EMID1: variants seen among roughly 807,000 people sequenced by gnomAD.
The protein encoded by EMID1 is EMI domain-containing protein 1.
In EMID1, 40 loss-of-function variants were observed where a neutral mutation model predicts 60.6. The observed-to-expected ratio is 0.66, with a 90% CI of 0.51 to 0.86. EMID1 has a LOEUF of 0.86. Ranked by LOEUF, EMID1 falls within the 40% of genes least tolerant of loss-of-function variation. EMID1 has a pLI of 0.00. For synonymous variants in EMID1, 242 were observed against 231.0 expected, an observed-to-expected ratio of 1.05 and a Z score of -0.43; for missense variants, 585 against 597.1, an observed-to-expected ratio of 0.98 and a Z score of 0.21.
At chr22:29,255,179 T>TGGCAGTGGCCACCCCCCCCCCCCCCCAG in intron 14 of EMID1, 1 of 695,570 alleles carries the variant, frequency 1.4e-6, no homozygotes, top group Non-Finnish European at 2.3e-6. Flanking sequence ...TGACGCCAGC[T>TGGCAGTGGCCACCCCCCCCCCCCCCCAG]GGCAGTGCCC....
chr22:29,254,254 G>A lies in EMID1; in HGVS notation c.1171G>A (p.Val391Ile), dbSNP rs772519485. The change falls in exon 14 of 15, where the codon GTT becomes ATT. Residue 391 changes from valine (V) to isoleucine (I), a missense_variant. Coordinates refer to ENST00000334018, the MANE Select transcript of EMID1 (RefSeq NM_133455.4). The part of the protein sequence containing the change: ...REALKILAER[V>I]LILETMIGLY... Reference sequence around the variant, plus strand: ...GGCTTTGAAGATTTTAGCTGAGAGGGTTTTAATCTTGGAAACAATGATTGG... The same window carrying A: ...GGCTTTGAAGATTTTAGCTGAGAGGATTTTAATCTTGGAAACAATGATTGG... 4 of 1,614,076 alleles carry A rather than the reference G, an allele frequency of 2.5e-6. No homozygotes were observed. In the African/African-American group the frequency reaches 4.0e-5, roughly 16 times the overall value.
intron 12 of EMID1, among the ~76,000 whole-genome samples, chr22:29,240,674 C>T (rs2041120397): frequency 6.6e-6 from 1 of 152,194 alleles, no homozygotes; most frequent in South Asian, 2.1e-4. Flanking sequence ...GCTAAACTGT[C>T]ACAGCTGTAA....
chr22:29,219,753 G>C (rs1000584818), intron 3 of EMID1, among the ~76,000 whole-genome samples: 9 of 152,166 alleles, frequency 5.9e-5, no homozygotes, highest in Non-Finnish European at 1.2e-4. Context: ...CTGCACTCCA[G>C]CTTAGGTGAC....
intron 5 of EMID1, among the ~76,000 whole-genome samples, chr22:29,226,848 C>T (rs2040532430): frequency 6.6e-6 from 1 of 152,142 alleles, no homozygotes; most frequent in South Asian, 2.1e-4. Flanking sequence ...GCGCAAGTCA[C>T]AGCCAGCCTG....
intron 13 of EMID1, among the ~76,000 whole-genome samples, chr22:29,244,647 A>AAAAAG (rs953238158): frequency 2.6e-5 from 4 of 151,146 alleles, no homozygotes; most frequent in Admixed American, 1.3e-4. Context: ...TCAAAAAAAA[A>AAAAAG]AAAAGAAAAG....
intron 1 of EMID1, among the ~76,000 whole-genome samples, chr22:29,214,150 C>T (rs59813176): frequency 0.02 from 3,072 of 152,258 alleles, 111 homozygotes; most frequent in African/African-American, 0.07. Context: ...AGCCATTCCA[C>T]GGAGGGGACA....
Position 29,225,132 on chromosome 22 carries a change from G to C in EMID1, c.320-1G>C. 1 of 1,613,824 alleles carries C rather than the reference G, an allele frequency of 6.2e-7. No individual in the cohort carries two copies. On this transcript the variant is annotated splice_acceptor_variant, in intron 3 of 14. Coordinates refer to ENST00000334018, the MANE Select transcript of EMID1 (RefSeq NM_133455.4). LOFTEE classifies it high-confidence loss of function. The stretch of plus-strand genomic sequence containing the variant: ...CAGGGCTCTCACCCTCCATCCCTTA[G>C]TTGCAGCTTCCTCTGCCTCCTTGGA...
chr22:29,231,406 C>A, intron 6 of EMID1, 187 bp from the exon 7 acceptor site: 1 of 815,894 alleles, frequency 1.2e-6, no homozygotes, highest in Non-Finnish European at 2.1e-6. Context: ...ATGAGCCTCC[C>A]TCCTCCAGGC....
In EMID1 at chr22:29,206,081, C is replaced by T. The variant is rs2039635979; in HGVS notation, c.43C>T (p.Leu15=). The stretch of plus-strand genomic sequence containing the variant: ...TTGGGCGCTGCTCTGCCTCGGGCTC[C>T]TGCTCCCGGGAGGCGGCGCTGCGTG... ...RAWALLCLGL[L]LPGGGAAWSI... Residue 15 remains leucine, a synonymous_variant, in exon 1 of 15, where the codon CTG becomes TTG. Coordinates refer to ENST00000334018, the MANE Select transcript of EMID1 (RefSeq NM_133455.4). The T allele has an allele frequency of 1.3e-5, 16 of 1,230,564 alleles. No homozygotes were observed. In the South Asian group the frequency reaches 4.1e-4, roughly 32 times the overall value. The allele number at this position is 1,230,564 out of a possible 1,614,324, so 76.2% of individuals were successfully genotyped here. A position where few individuals can be genotyped will look rare whatever the true frequency, so the allele number is the denominator to read the frequency against.
intron 5 of EMID1, 97 bp from the exon 6 acceptor site, chr22:29,230,923 C>G: frequency 6.7e-7 from 1 of 1,493,034 alleles, no homozygotes; most frequent in Non-Finnish European, 9.0e-7. Flanking sequence ...CTACTGCATT[C>G]TAGCCTGGGC....
chr22:29,207,873 T>C (rs1275761399), intron 1 of EMID1, among the ~76,000 whole-genome samples: 1 of 151,992 alleles, frequency 6.6e-6, no homozygotes, highest in Admixed American at 6.5e-5. Flanking sequence ...GGTTGTCGGC[T>C]TGGGGGCACC....
At chr22:29,208,414 C>T (rs569655272) in intron 1 of EMID1, among the ~76,000 whole-genome samples, 1 of 152,324 alleles carries the variant, frequency 6.6e-6, no homozygotes, top group East Asian at 1.9e-4. Context: ...GCCCCTGCCC[C>T]TGGGGCTGCT....
chr22:29,221,055 T>G (rs2040271223), intron 3 of EMID1, among the ~76,000 whole-genome samples: 1 of 109,330 alleles, frequency 9.1e-6, no homozygotes. Context: ...GGGGAGGGCA[T>G]GGGGTGGGAA....
At chr22:29,213,018 T>C (rs183527056) in intron 1 of EMID1, among the ~76,000 whole-genome samples, 31 of 152,218 alleles carry the variant, frequency 2.0e-4, no homozygotes, top group African/African-American at 7.2e-4. Flanking sequence ...CTCCCAGACA[T>C]GGCAGTTTGA....
intron 5 of EMID1, among the ~76,000 whole-genome samples, chr22:29,227,701 T>C: frequency 1.3e-5 from 1 of 74,660 alleles, no homozygotes; most frequent in African/African-American, 6.0e-5. Context: ...CGAGACTCTG[T>C]CTCAAAAAAA....
chr22:29,231,025 C>A lies in EMID1; in HGVS notation c.471C>A (p.Thr157=). 6.2e-7 allele frequency: 1 copy of A among 1,613,276 alleles called. No homozygotes were observed. Among genetic ancestry groups the A allele is most frequent in the Non-Finnish European group, 8.5e-7 (1 of 1,179,592 alleles). Reference sequence around the variant, plus strand: ...GTCCCTGTCTTCCTCTTCAGATGACCATGCTGACTGTCATAGAGCAGCCAG... The same window carrying A: ...GTCCCTGTCTTCCTCTTCAGATGACAATGCTGACTGTCATAGAGCAGCCAG... ...ERLKVLEAKM[T]MLTVIEQPVP... is the part of the protein sequence containing the mutation. The change falls in exon 6 of 15, where the codon ACC becomes ACA. Residue 157 remains threonine, a synonymous_variant. Coordinates refer to ENST00000334018, the MANE Select transcript of EMID1 (RefSeq NM_133455.4).
At chr22:29,213,212 G>A (rs917552445) in intron 1 of EMID1, among the ~76,000 whole-genome samples, 4 of 152,164 alleles carry the variant, frequency 2.6e-5, no homozygotes, top group South Asian at 2.1e-4. Flanking sequence ...AGGTCAGCAC[G>A]CAGAGACCTC....
intron 1 of EMID1, among the ~76,000 whole-genome samples, chr22:29,213,123 T>C (rs1430823095): frequency 6.6e-6 from 1 of 152,230 alleles, no homozygotes; most frequent in Non-Finnish European, 1.5e-5. Context: ...CTTAATGTAA[T>C]AGAAATGCAA....
rs752839840 is a variant in EMID1 at position 29,232,238 on chromosome 22, C to A, written c.677-18C>A. ...CTTGCCTCCTGTATACCCACAAATC[C>A]GTGTGATTCCATTGCAGGTCCACAG... On this transcript the variant is annotated intron_variant, in intron 7 of 14. Coordinates refer to ENST00000334018, the MANE Select transcript of EMID1 (RefSeq NM_133455.4). 6.2e-7 allele frequency: 1 copy of A among 1,611,328 alleles called. No homozygotes were observed. The highest frequency in any genetic ancestry group is 8.5e-7 in the Non-Finnish European group (1 of 1,179,640).
Sources: allele counts gnomAD v4.1 joint callset (sites outside exome capture counted in the v4.1 genomes callset), GRCh38; gene constraint gnomAD v4.1.1; transcripts MANE v1.5; gene names NCBI Gene and HGNC (gene_info 2026-07-23, HGNC 2026-07-21).